The following DLGAP1 variants were observed in gnomAD, a reference collection of about 807,000 sequenced individuals.
The protein encoded by DLGAP1 is disks large-associated protein 1.
In DLGAP1, 11 loss-of-function variants were observed where a neutral mutation model predicts 90.8. The observed-to-expected ratio is 0.12, with a 90% CI of 0.08 to 0.20. The LOEUF is 0.20. Among genes scored for constraint, DLGAP1 ranks in the 10% least tolerant of loss-of-function variants. The pLI, the probability that DLGAP1 is intolerant of heterozygous loss-of-function variation, is 1.00. For missense variants in DLGAP1, 1,050 were observed against 1,333.8 expected (o/e 0.79, Z 3.31); for synonymous variants, 558 against 540.7 (o/e 1.03, Z -0.44).
intron 2 of DLGAP1, 75 bp from the exon 3 acceptor site, chr18:4,005,276 G>C (rs962881611): frequency 6.6e-6 from 1 of 152,130 alleles, no homozygotes; most frequent in Non-Finnish European, 1.5e-5. Flanking sequence ...CAAAATATAG[G>C]AATTTAGGAG....
chr18:4,309,961 C>G (rs1237036516), intron 1 of DLGAP1, among the ~76,000 whole-genome samples: 1 of 152,180 alleles, frequency 6.6e-6, no homozygotes, highest in Non-Finnish European at 1.5e-5. Context: ...TGAGTGGCTT[C>G]TTGGACACTG....
At chr18:4,263,256 G>A (rs922528648) in intron 1 of DLGAP1, among the ~76,000 whole-genome samples, 1 of 152,032 alleles carries the variant, frequency 6.6e-6, no homozygotes, top group African/African-American at 2.4e-5. Flanking sequence ...ATACCAGGAC[G>A]CATTTTCATA....
chr18:3,568,042 G>T (rs1355146423), intron 8 of DLGAP1, among the ~76,000 whole-genome samples: 1 of 152,086 alleles, frequency 6.6e-6, no homozygotes, highest in Non-Finnish European at 1.5e-5. Context: ...GAGATTACAG[G>T]TGTGTGCCAC....
At chr18:3,636,214 T>A (rs999815195) in intron 7 of DLGAP1, among the ~76,000 whole-genome samples, 4 of 151,244 alleles carry the variant, frequency 2.6e-5, no homozygotes, top group African/African-American at 9.7e-5. Context: ...ACCTCTCCTG[T>A]GAAGCCTTCC....
At chr18:4,057,428 T>C (rs1411260768) in intron 2 of DLGAP1, among the ~76,000 whole-genome samples, 1 of 152,102 alleles carries the variant, frequency 6.6e-6, no homozygotes, top group Non-Finnish European at 1.5e-5. Context: ...GTGCAGCCCC[T>C]CCCAAGTGCT....
chr18:4,386,278 T>C (rs487874), intron 1 of DLGAP1, among the ~76,000 whole-genome samples: 140,882 of 152,004 alleles, frequency 0.93, 66,254 homozygotes, highest in East Asian at 1. Flanking sequence ...GGCTAGATCC[T>C]GTAATTTCCC....
At chr18:3,992,796 A>G (rs925558141) in intron 3 of DLGAP1, among the ~76,000 whole-genome samples, 3 of 152,172 alleles carry the variant, frequency 2.0e-5, no homozygotes, top group African/African-American at 7.2e-5. Context: ...AAGAATTACA[A>G]TTTCTCTGTA....
rs56346479 is a variant in DLGAP1 at position 3,637,944 on chromosome 18, C to CTTT, written c.1592-55699_1592-55697dup. Among the ~76,000 whole-genome samples, 378 of 109,376 alleles carry CTTT rather than the reference C, an allele frequency of 3.5e-3. 11 individuals are homozygous for CTTT. Among genetic ancestry groups the CTTT allele is most frequent in the African/African-American group, 9.7e-3 (270 of 27,758 alleles). The allele number at this position is 109,376 out of a possible 152,430, so 71.8% of individuals were successfully genotyped here. A position where few individuals can be genotyped will look rare whatever the true frequency, so the allele number is the denominator to read the frequency against. On this transcript the variant is annotated intron_variant, in intron 7 of 12. Coordinates refer to ENST00000315677, the MANE Select transcript of DLGAP1 (RefSeq NM_004746.4). ...TATTGTAGGTTTTTGTGCTAGGTAG[C>CTTT]TTTTTTTTTTTTTTTTTTTTGAGAC...
rs150490674 is a variant in DLGAP1, at chr18:3,633,318, G to A, written c.1592-51070C>T. Among the ~76,000 whole-genome samples, 247 of 151,196 alleles carry A rather than the reference G, an allele frequency of 1.6e-3. 1 individual carries two copies. Among genetic ancestry groups the A allele is most frequent in the African/African-American group, 5.7e-3 (233 of 41,130 alleles). On this transcript the variant is annotated intron_variant, in intron 7 of 12. Transcript: ENST00000315677. ...CTCTGGAGGCTGAGGCAGGAGAATC[G>A]CTTGAACCCAGAAAGCAGAGGTTGC...
intron 1 of DLGAP1, among the ~76,000 whole-genome samples, chr18:4,402,227 T>C (rs993456407): frequency 6.6e-6 from 1 of 152,232 alleles, no homozygotes; most frequent in Admixed American, 6.5e-5. Context: ...GCTATGATAA[T>C]ATTAACACTC....
intron 1 of DLGAP1, among the ~76,000 whole-genome samples, chr18:4,176,878 G>A (rs1247570349): frequency 6.6e-6 from 1 of 152,190 alleles, no homozygotes; most frequent in Non-Finnish European, 1.5e-5. Context: ...ATGCAGAGGT[G>A]CCCGTCAGGA....
chr18:3,961,782 G>A (rs1057484902), intron 3 of DLGAP1, among the ~76,000 whole-genome samples: 1 of 152,194 alleles, frequency 6.6e-6, no homozygotes, highest in African/African-American at 2.4e-5. Flanking sequence ...TGGCCCACAA[G>A]TGGGGCAAGG....
chr18:3,825,799 C>A (rs1322751881), intron 4 of DLGAP1, among the ~76,000 whole-genome samples: 2 of 152,102 alleles, frequency 1.3e-5, no homozygotes, highest in East Asian at 3.9e-4. Flanking sequence ...AAATAAAGCA[C>A]TCTACCAAAA....
chr18:3,612,635 C>T (rs999846709), intron 7 of DLGAP1, among the ~76,000 whole-genome samples: 17 of 152,158 alleles, frequency 1.1e-4, no homozygotes, highest in South Asian at 4.1e-4. Context: ...TCAGTTCATT[C>T]GTTAGTGGAA....
At chr18:4,310,697 C>T (rs142262499) in intron 1 of DLGAP1, among the ~76,000 whole-genome samples, 37 of 152,278 alleles carry the variant, frequency 2.4e-4, no homozygotes, top group African/African-American at 8.4e-4. Context: ...TGGCATATAA[C>T]GATGCACTCA....
chr18:4,157,027 C>T (rs1194019498), intron 1 of DLGAP1, among the ~76,000 whole-genome samples: 1 of 152,066 alleles, frequency 6.6e-6, no homozygotes, highest in Non-Finnish European at 1.5e-5. Context: ...TTTCACAGAA[C>T]AAATTTTAAA....
At chr18:3,830,665 A>C (rs1249131052) in intron 4 of DLGAP1, among the ~76,000 whole-genome samples, 2 of 152,220 alleles carry the variant, frequency 1.3e-5, no homozygotes, top group African/African-American at 4.8e-5. Context: ...GCCTTGATAA[A>C]ACAAATATAG....
chr18:3,875,073 T>C (rs1349342505), intron 4 of DLGAP1, among the ~76,000 whole-genome samples: 1 of 152,200 alleles, frequency 6.6e-6, no homozygotes. Flanking sequence ...GACTTTATTA[T>C]TGGTGATTAC....
At chr18:3,984,583 T>C (rs1258020823) in intron 3 of DLGAP1, among the ~76,000 whole-genome samples, 1 of 152,174 alleles carries the variant, frequency 6.6e-6, no homozygotes, top group Non-Finnish European at 1.5e-5. Context: ...TCTAAAGCCA[T>C]CTTTAATGTT....
Sources: gnomAD v4.1 joint callset for allele counts (sites outside exome capture counted in the v4.1 genomes callset) on GRCh38, gnomAD v4.1.1 for gene constraint, MANE v1.5 for transcripts, NCBI Gene and HGNC (gene_info 2026-07-23, HGNC 2026-07-21) for gene names.